CLN8: variants seen among roughly 807,000 people sequenced by gnomAD.
CLN8 encodes protein CLN8.
A neutral mutation model predicts 15.7 loss-of-function variants in CLN8; 14 were observed. The ratio of observed to expected loss-of-function variants is 0.89; its 90% CI spans 0.59 to 1.39. The LOEUF (loss-of-function observed/expected upper bound fraction) is 1.39, where lower values mean the gene tolerates loss of function less well. Ranked by LOEUF, CLN8 falls within the 40% of genes most tolerant of loss-of-function variation. The pLI is 0.00. For synonymous variants in CLN8, 188 were observed against 151.0 expected (o/e 1.25, Z -1.80); for missense variants, 415 against 364.0 (o/e 1.14, Z -1.14).
Position 1,782,739 on chromosome 8 carries a change from C to G in CLN8, c.*2172C>G, listed in dbSNP as rs1801738715. 6.6e-6 allele frequency: 1 copy of G among 152,234 alleles called. No individual in the cohort carries two copies. The highest frequency in any genetic ancestry group is 2.4e-5 in the African/African-American group (1 of 41,460). The allele number at this position is 152,234 out of a possible 1,614,324, so 9.4% of individuals were successfully genotyped here. A position where few individuals can be genotyped will look rare whatever the true frequency, so the allele number is the denominator to read the frequency against. On this transcript the variant is annotated 3_prime_UTR_variant, in exon 3 of 3. Transcript: ENST00000331222. ...CTCTCTCAAAATAAACTAACCTATT[C>G]ATATTGCTGTGAATGCTTTATCTTG...
At chr8:1,762,637 A>G (rs1800828283), upstream of CLN8, 1 of 152,256 alleles carries the variant, frequency 6.6e-6, no homozygotes, top group African/African-American at 2.4e-5. Context: ...AAGGGTTATA[A>G]TAATTTTGAA....
chr8:1,779,621 G>A (rs1801645043), intron 2 of CLN8, among the ~76,000 whole-genome samples: 1 of 152,220 alleles, frequency 6.6e-6, no homozygotes, highest in African/African-American at 2.4e-5. Flanking sequence ...CATAGACTAG[G>A]CAGCTGGAAT....
At chr8:1,768,516 A>G (rs1801157709) in intron 1 of CLN8, among the ~76,000 whole-genome samples, 1 of 152,180 alleles carries the variant, frequency 6.6e-6, no homozygotes. Flanking sequence ...CATTGATGCA[A>G]CTGTGGCAAA....
At chr8:1,777,636 G>C (rs1801570745) in intron 2 of CLN8, among the ~76,000 whole-genome samples, 1 of 151,446 alleles carries the variant, frequency 6.6e-6, no homozygotes, top group African/African-American at 2.4e-5. Flanking sequence ...TTAAATTGTT[G>C]AAATCTAAGA....
chr8:1,755,335 C>G (rs1485018243), upstream of CLN8, among the ~76,000 whole-genome samples: 1 of 152,120 alleles, frequency 6.6e-6, no homozygotes, highest in Non-Finnish European at 1.5e-5. Flanking sequence ...TCCATGGAGT[C>G]AGAGATTGGA....
At chr8:1,757,088 G>C (rs140414811) in intron 1 of CLN8, among the ~76,000 whole-genome samples, 2 of 152,304 alleles carry the variant, frequency 1.3e-5, no homozygotes, top group East Asian at 1.9e-4. Flanking sequence ...ATTTGGGGCA[G>C]CGGAAAGTCC....
intron 1 of CLN8, among the ~76,000 whole-genome samples, chr8:1,757,792 C>T (rs1018932676): frequency 4.6e-5 from 7 of 152,052 alleles, no homozygotes; most frequent in East Asian, 1.9e-4. Flanking sequence ...CCAATGGCTT[C>T]GTCCAATGGG....
At chr8:1,766,555 A>ATT (rs796563216) in intron 1 of CLN8, among the ~76,000 whole-genome samples, 1 of 147,486 alleles carries the variant, frequency 6.8e-6, no homozygotes, top group African/African-American at 2.5e-5. Context: ...ACGCCTGGCT[A>ATT]TTTTTTTTTT....
rs575036823 is a variant in CLN8, at chr8:1,786,275, T to G, written c.*5708T>G. On this transcript the variant is annotated 3_prime_UTR_variant, in exon 3 of 3. Transcript: ENST00000331222. ...TGAGTCTGTCCAGCCTTGTCACAGA[T>G]GCATCGCCCACCCTGCGGTCCTGAT... 6.6e-6 allele frequency: 1 copy of G among 151,854 alleles called. No homozygotes were observed. Among genetic ancestry groups the G allele is most frequent in the South Asian group, 2.1e-4 (1 of 4,794 alleles). The allele number at this position is 151,854 out of a possible 1,614,324, so 9.4% of individuals were successfully genotyped here.
At chr8:1,765,791 C>G (rs188305297) in intron 1 of CLN8, among the ~76,000 whole-genome samples, 52 of 152,304 alleles carry the variant, frequency 3.4e-4, no homozygotes, top group African/African-American at 1.2e-3. Context: ...GGAGAATTAG[C>G]TTTGCAGATT....
chr8:1,755,255 C>T (rs1800641479), upstream of CLN8, among the ~76,000 whole-genome samples: 1 of 152,184 alleles, frequency 6.6e-6, no homozygotes. Context: ...GTTAGTCTAA[C>T]TAACAGAGAG....
Position 1,770,970 on chromosome 8 carries a change from A to T in CLN8, c.-85A>T. 7.8e-7 allele frequency: 1 copy of T among 1,276,278 alleles called. No homozygotes were observed. 79.1% of individuals were successfully genotyped at this position (1,276,278 alleles called of 1,614,324 possible). On this transcript the variant is annotated 5_prime_UTR_variant, in exon 2 of 3. Transcript: ENST00000331222. Reference sequence around the variant, plus strand: ...ACGTGACAATCCCAGGGACCGCTGCACTGACTTCATTTCCTTAGACAAGAC... The same window carrying T: ...ACGTGACAATCCCAGGGACCGCTGCTCTGACTTCATTTCCTTAGACAAGAC...
Position 1,781,249 on chromosome 8 carries a change from T to C in CLN8, c.*682T>C, listed in dbSNP as rs562748795. 6.6e-6 allele frequency: 1 copy of C among 152,176 alleles called. No homozygotes were observed. Among genetic ancestry groups the C allele is most frequent in the East Asian group, 1.9e-4 (1 of 5,170 alleles). 9.4% of individuals were successfully genotyped at this position (152,176 alleles called of 1,614,324 possible). On this transcript the variant is annotated 3_prime_UTR_variant, in exon 3 of 3. Transcript: ENST00000331222. ...GGCACACACCTGTAATCCCAGCTAT[T>C]TGGGAGGCCAAGGCAGGAGAATTGC...
chr8:1,764,743 C>G (rs1372125887), intron 1 of CLN8: 3 of 152,498 alleles, frequency 2.0e-5, no homozygotes, highest in Non-Finnish European at 2.9e-5. Flanking sequence ...GCCAGCTGCT[C>G]TAGGTTGGGG....
chr8:1,757,919 G>C (rs1585117492), intron 1 of CLN8, among the ~76,000 whole-genome samples: 1 of 152,220 alleles, frequency 6.6e-6, no homozygotes, highest in East Asian at 1.9e-4. Flanking sequence ...AGAAGATTCA[G>C]GATCGTCTAG....
In CLN8 at chr8:1,781,953, T is replaced by TG. The variant is rs1801721455; in HGVS notation, c.*1386_*1387insG. On this transcript the variant is annotated 3_prime_UTR_variant, in exon 3 of 3. Transcript: ENST00000331222. ...CAATGTTGTTAACAGACATACAGAA[T>TG]TGTGTGTGTGTGTGTGTGTGTGTGT... The TG allele has an allele frequency of 3.4e-5, 5 of 147,880 alleles. No homozygotes were observed. The highest frequency in any genetic ancestry group is 2.7e-4 in the Admixed American group (4 of 14,764). The allele number at this position is 147,880 out of a possible 1,614,324, so 9.2% of individuals were successfully genotyped here. A position where few individuals can be genotyped will look rare whatever the true frequency, so the allele number is the denominator to read the frequency against.
intron 1 of CLN8, among the ~76,000 whole-genome samples, chr8:1,756,496 AG>A (rs1301533493): frequency 2.0e-5 from 3 of 151,280 alleles, no homozygotes; most frequent in African/African-American, 7.3e-5. Flanking sequence ...AAAAAAAAAA[AG>A]AAATTTCACT....
intron 1 of CLN8, chr8:1,758,501 G>C (rs1473996927): frequency 6.6e-6 from 1 of 152,202 alleles, no homozygotes; most frequent in African/African-American, 2.4e-5. Flanking sequence ...AATAAGAAAA[G>C]GGCAAGACGA....
upstream of CLN8, among the ~76,000 whole-genome samples, chr8:1,760,941 C>A (rs868295814): frequency 2.0e-5 from 3 of 150,670 alleles, no homozygotes; most frequent in Middle Eastern, 3.3e-3. Flanking sequence ...AGATCTAGTA[C>A]TTGGTGGATG....
Sources: gnomAD v4.1 joint callset for allele counts (sites outside exome capture counted in the v4.1 genomes callset) on GRCh38, gnomAD v4.1.1 for gene constraint, MANE v1.5 for transcripts, NCBI Gene and HGNC (gene_info 2026-07-23, HGNC 2026-07-21) for gene names.